The following CCDC57 variants were observed in gnomAD, a reference collection of about 807,000 sequenced individuals.
CCDC57 encodes coiled-coil domain-containing protein 57.
In CCDC57, 118 loss-of-function variants were observed where a neutral mutation model predicts 118.9. The ratio of observed to expected loss-of-function variants is 0.99; its 90% CI spans 0.86 to 1.16. The LOEUF is 1.16. Ranked by LOEUF, CCDC57 falls within the 50% of genes most tolerant of loss-of-function variation. CCDC57 has a pLI of 0.00. For missense variants in CCDC57, 1,300 were observed against 1,320.7 expected, an observed-to-expected ratio of 0.98 and a Z score of 0.24; for synonymous variants, 527 against 532.9, an observed-to-expected ratio of 0.99 and a Z score of 0.15.
chr17:82,127,645 C>T lies in CCDC57; in HGVS notation c.2899+47G>A, dbSNP rs752238822. ...CATGCCCCTCGGAGAGGGTGGCCCTCGCCAGCTGCCAGCTGTGGGCAGCTC... is the reference window on the plus strand; with the variant it reads ...CATGCCCCTCGGAGAGGGTGGCCCTTGCCAGCTGCCAGCTGTGGGCAGCTC... On this transcript the variant is annotated intron_variant, in intron 19 of 19. Transcript: ENST00000665763. The T allele has an allele frequency of 4.3e-5, 66 of 1,544,148 alleles. No individual in the cohort carries two copies. The East Asian group carries it at 7.9e-4, about 19-fold the overall frequency.
At chr17:82,203,923 A>G (rs1321693161) in intron 2 of CCDC57, among the ~76,000 whole-genome samples, 1 of 152,178 alleles carries the variant, frequency 6.6e-6, no homozygotes, top group Non-Finnish European at 1.5e-5. Context: ...ATGGTTGTAC[A>G]AAGTCCCAAC....
chr17:82,106,966 G>A (rs939853094), intron 19 of CCDC57, among the ~76,000 whole-genome samples: 3 of 152,210 alleles, frequency 2.0e-5, no homozygotes, highest in East Asian at 1.9e-4. Context: ...CCATGTCCCC[G>A]GGGAACAGCA....
At chr17:82,141,626 C>A (rs565562733) in intron 16 of CCDC57, among the ~76,000 whole-genome samples, 53 of 152,318 alleles carry the variant, frequency 3.5e-4, no homozygotes, top group Admixed American at 1.5e-3. Flanking sequence ...CATCTACAAA[C>A]CAGCTCCATT....
At chr17:82,178,730 C>T in intron 10 of CCDC57, 125 bp from the exon 10 acceptor site, 1 of 1,371,674 alleles carries the variant, frequency 7.3e-7, no homozygotes, top group Non-Finnish European at 9.7e-7. Context: ...TGTGGCCAGG[C>T]CGCCAAACCC....
exon 20 of CCDC57, chr17:82,101,818 G>A (rs1431717977): frequency 1.9e-6 from 3 of 1,595,538 alleles, no homozygotes; most frequent in Middle Eastern, 1.7e-4. Flanking sequence ...GGCAATGCCT[G>A]CCTGCATCTT....
chr17:82,134,147 G>C, exon 17 of CCDC57: 2 of 1,377,602 alleles, frequency 1.5e-6, no homozygotes, highest in Non-Finnish European at 1.9e-6. Context: ...TCCTCGCCTG[G>C]CTTCCGGGCC....
chr17:82,130,806 T>C (rs2038242625), intron 17 of CCDC57, among the ~76,000 whole-genome samples: 1 of 149,200 alleles, frequency 6.7e-6, no homozygotes, highest in South Asian at 2.2e-4. Context: ...GCCCAGCTCC[T>C]TTTTTTTGGG....
intron 5 of CCDC57, 150 bp from the exon 5 acceptor site, chr17:82,194,289 A>C: frequency 5.2e-6 from 4 of 763,172 alleles, no homozygotes; most frequent in East Asian, 2.7e-5. Flanking sequence ...TCCTAACACA[A>C]CTCAAACGAG....
chr17:82,103,330 T>C (rs2034598051), intron 19 of CCDC57, among the ~76,000 whole-genome samples: 1 of 152,042 alleles, frequency 6.6e-6, no homozygotes, highest in Non-Finnish European at 1.5e-5. Flanking sequence ...GCTGGGGTCC[T>C]GGGGGGCCCT....
At chr17:82,113,747 A>C (rs754186744) in intron 19 of CCDC57, 5 of 688,986 alleles carry the variant, frequency 7.3e-6, no homozygotes, top group Admixed American at 2.1e-5. Flanking sequence ...AGCCTGGGTG[A>C]CATAGTGAGA....
chr17:82,166,254 C>T (rs571784930), intron 13 of CCDC57, among the ~76,000 whole-genome samples: 1 of 151,650 alleles, frequency 6.6e-6, no homozygotes, highest in Non-Finnish European at 1.5e-5. Context: ...AACAAAACTC[C>T]AGCAAGTTAC....
intron 4 of CCDC57, among the ~76,000 whole-genome samples, chr17:82,197,949 T>A (rs4577142): frequency 0.016 from 2,376 of 152,198 alleles, 69 homozygotes; most frequent in African/African-American, 0.055. Context: ...GCTTCCCAGG[T>A]TTTCCAGCTT....
intron 19 of CCDC57, among the ~76,000 whole-genome samples, chr17:82,117,612 G>A (rs536869062): frequency 1.3e-5 from 2 of 152,074 alleles, no homozygotes; most frequent in African/African-American, 2.4e-5. Flanking sequence ...CCATGGCTGC[G>A]GCACTACACT....
rs2050209921 is a variant in CCDC57, at chr17:82,212,118, G to A, written c.-211+667C>T. Among the ~76,000 whole-genome samples, 1 of 152,322 alleles carries A rather than the reference G, an allele frequency of 6.6e-6. No homozygotes were observed. The highest frequency in any genetic ancestry group is 2.1e-4 in the South Asian group (1 of 4,830). ...CAGTCTGTCAGTCGCTGGCAATACA[G>A]GACTCCTGAGTAGTCTCAGAGTGTG... On this transcript the variant is annotated intron_variant, in intron 1 of 19. Coordinates refer to ENST00000665763, the Ensembl canonical transcript of CCDC57. This position sits in a 1 kb window ranked among gnomAD's most constrained non-coding sequence, Gnocchi z 4.1.
exon 3 of CCDC57, chr17:82,201,651 C>G (rs1384445426): frequency 2.5e-6 from 4 of 1,613,864 alleles, no homozygotes; most frequent in African/African-American, 2.7e-5. Context: ...GCTTAGCTGC[C>G]TCTATCTTGA....
chr17:82,187,102 T>C (rs1363801191), intron 8 of CCDC57, among the ~76,000 whole-genome samples: 10 of 151,624 alleles, frequency 6.6e-5, no homozygotes, highest in African/African-American at 1.2e-4. Flanking sequence ...CCGGGCATAG[T>C]GGTATATGCC....
In CCDC57 at chr17:82,134,212, A is replaced by C; in HGVS notation, c.2456-18T>G. On this transcript the variant is annotated intron_variant, in intron 16 of 19. Coordinates refer to ENST00000665763, the Ensembl canonical transcript of CCDC57. ...CAGCCACCCTGGGAATGGGATGGGG[A>C]CAGAGTTTGTTCTCTGTGCATCACT... is the stretch of plus-strand genomic sequence containing the variant. The C allele has an allele frequency of 7.7e-7, 1 of 1,306,956 alleles. No homozygotes were observed. 81.0% of individuals were successfully genotyped at this position (1,306,956 alleles called of 1,614,324 possible). A position where few individuals can be genotyped will look rare whatever the true frequency, so the allele number is the denominator to read the frequency against.
intron 11 of CCDC57, 32 bp downstream of exon 10, chr17:82,178,442 A>G: frequency 6.4e-7 from 1 of 1,565,140 alleles, no homozygotes; most frequent in East Asian, 2.3e-5. Context: ...GCTGTTGAGC[A>G]AAGTTTCAAA....
chr17:82,199,896 C>T (rs2048788644), intron 3 of CCDC57, among the ~76,000 whole-genome samples: 1 of 152,230 alleles, frequency 6.6e-6, no homozygotes. Flanking sequence ...CAAATGACTG[C>T]TGACTGGCAC....
Sources: gnomAD v4.1 joint callset for allele counts (sites outside exome capture counted in the v4.1 genomes callset) on GRCh38, gnomAD v4.1.1 for gene constraint, Gnocchi (gnomAD v3.1) non-coding constraint, MANE v1.5 for transcripts, NCBI Gene and HGNC (gene_info 2026-07-23, HGNC 2026-07-21) for gene names.